Variants in DPH6 observed in about 807,000 individuals in gnomAD.
The protein encoded by DPH6 is diphthamine biosynthesis 6, also known as diphthine--ammonia ligase.
In DPH6, 33 loss-of-function variants were observed where a neutral mutation model predicts 38.2. The observed-to-expected ratio is 0.86, with a 90% confidence interval of 0.65 to 1.15. The LOEUF (loss-of-function observed/expected upper bound fraction) is 1.15, where lower values mean the gene tolerates loss of function less well. Ranked by LOEUF, DPH6 falls within the 50% of genes most tolerant of loss-of-function variation. The pLI is 0.00. For missense variants in DPH6, 325 were observed against 320.0 expected (o/e 1.02, Z -0.12); for synonymous variants, 108 against 103.0 (o/e 1.05, Z -0.30).
chr15:35,317,111 T>C (rs1369346826), intron 3 of DPH6, among the ~76,000 whole-genome samples: 1 of 151,790 alleles, frequency 6.6e-6, no homozygotes, highest in Non-Finnish European at 1.5e-5. Flanking sequence ...TACAAAAAAT[T>C]AGCCAGGCGT....
intron 3 of DPH6, among the ~76,000 whole-genome samples, chr15:35,352,426 C>T (rs1039124445): frequency 5.9e-5 from 9 of 152,152 alleles, no homozygotes. Context: ...GCTATCCCTC[C>T]CCGCTACCCC....
intron 3 of DPH6, among the ~76,000 whole-genome samples, chr15:35,480,439 C>T (rs2054313393): frequency 6.6e-6 from 1 of 152,018 alleles, no homozygotes; most frequent in Non-Finnish European, 1.5e-5. Context: ...CTAATGTTAG[C>T]TCTCATGCAG....
chr15:35,387,253 T>A (rs547810800), intron 6 of DPH6, among the ~76,000 whole-genome samples: 1 of 152,314 alleles, frequency 6.6e-6, no homozygotes, highest in South Asian at 2.1e-4. Context: ...AGCCTTGTAG[T>A]ATAGTTTGAA....
In DPH6 at chr15:35,371,931, A is replaced by G. The variant is rs755866775; in HGVS notation, c.*219T>C. ...AGGGAAGATGTGTTAACGAAAGAGA[A>G]AGAGTGAATTCCAAGAAAGTTGGCA... On this transcript the variant is annotated 3_prime_UTR_variant, in exon 9 of 9. Transcript: ENST00000256538. 9.6e-6 allele frequency: 12 copies of G among 1,245,210 alleles called. No homozygotes were observed. Among genetic ancestry groups the G allele is most frequent in the Non-Finnish European group, 1.2e-5 (12 of 987,088 alleles). 77.1% of individuals were successfully genotyped at this position (1,245,210 alleles called of 1,614,324 possible).
chr15:35,378,703 T>A (rs1420354324), intron 7 of DPH6, among the ~76,000 whole-genome samples: 7 of 152,036 alleles, frequency 4.6e-5, no homozygotes, highest in Non-Finnish European at 1.0e-4. Context: ...AAAACCATCA[T>A]TCTCAGCAAA....
At chr15:35,422,360 C>T (rs1824017945) in intron 5 of DPH6, among the ~76,000 whole-genome samples, 1 of 151,830 alleles carries the variant, frequency 6.6e-6, no homozygotes, top group South Asian at 2.1e-4. Context: ...CTAATGAACT[C>T]ATAGTAATAA....
At chr15:35,391,286 G>T (rs2053053109) in intron 6 of DPH6, among the ~76,000 whole-genome samples, 1 of 152,176 alleles carries the variant, frequency 6.6e-6, no homozygotes, top group South Asian at 2.1e-4. Context: ...CTACTTGGGG[G>T]TCAGGGACCC....
chr15:35,517,013 A>G (rs2054856449), intron 3 of DPH6, among the ~76,000 whole-genome samples: 1 of 152,116 alleles, frequency 6.6e-6, no homozygotes, highest in South Asian at 2.1e-4. Flanking sequence ...AAATATACAT[A>G]CATCATCACA....
At chr15:35,519,757 A>G (rs2054895541) in intron 3 of DPH6, 1 of 152,404 alleles carries the variant, frequency 6.6e-6, no homozygotes, top group Admixed American at 6.6e-5. Context: ...GAAGCTTTAC[A>G]ATAGAGGCTG....
chr15:35,325,025 A>C (rs537354334), intron 3 of DPH6, among the ~76,000 whole-genome samples: 1 of 152,142 alleles, frequency 6.6e-6, no homozygotes, highest in Non-Finnish European at 1.5e-5. Context: ...AAATCACAAT[A>C]AGATGGAAAA....
intron 5 of DPH6, among the ~76,000 whole-genome samples, chr15:35,444,080 G>A (rs986442353): frequency 1.4e-4 from 21 of 152,154 alleles, no homozygotes; most frequent in Admixed American, 5.9e-4. Flanking sequence ...GGCACATGAG[G>A]TCAACTAGAA....
chr15:35,356,932 C>G (rs1035334613), intron 3 of DPH6, among the ~76,000 whole-genome samples: 3 of 152,196 alleles, frequency 2.0e-5, no homozygotes, highest in Admixed American at 2.0e-4. Context: ...GGGCTCCACT[C>G]AGTTCGAGCT....
At chr15:35,226,675 T>C (rs1367904376) in intron 3 of DPH6, among the ~76,000 whole-genome samples, 2 of 152,092 alleles carry the variant, frequency 1.3e-5, no homozygotes, top group Non-Finnish European at 2.9e-5. Context: ...ATGAAAAAAC[T>C]TGAAAAGGTC....
At chr15:35,331,125 T>A (rs1035783427) in intron 3 of DPH6, 2 of 152,162 alleles carry the variant, frequency 1.3e-5, no homozygotes, top group African/African-American at 4.8e-5. Flanking sequence ...AGACCTATAA[T>A]GACAGATGTC....
intron 3 of DPH6, among the ~76,000 whole-genome samples, chr15:35,221,654 T>C (rs940881916): frequency 1.3e-5 from 2 of 152,134 alleles, no homozygotes; most frequent in Non-Finnish European, 2.9e-5. Flanking sequence ...TGTTCTCCCA[T>C]TGTCTTGATG....
chr15:35,346,895 T>C (rs2052466118), intron 3 of DPH6, among the ~76,000 whole-genome samples: 1 of 152,150 alleles, frequency 6.6e-6, no homozygotes, highest in African/African-American at 2.4e-5. Context: ...CTTTTAATTC[T>C]CACATATTTT....
At chr15:35,148,225 C>G in the DPH6 span, among the ~76,000 whole-genome samples, 2 of 152,144 alleles carry the variant, frequency 1.3e-5, no homozygotes, top group Admixed American at 1.3e-4. Flanking sequence ...TTTAAGTTAA[C>G]AGTAAAGTTA....
In DPH6 at chr15:35,221,528, C is replaced by T. The variant is rs540062486; in HGVS notation, n.201-946G>A. 3.9e-5 allele frequency among the ~76,000 whole-genome samples: 6 copies of T among 152,298 alleles called. No individual in the cohort carries two copies. In the East Asian group the frequency reaches 1.2e-3, roughly 29 times the overall value. On this transcript the variant is annotated intron_variant and non_coding_transcript_variant, in intron 3 of 3. Transcript: ENST00000560386. ...CACTCTGTGTCTGCAGAGTTATCAC[C>T]ATGTGGACCATTATGGGTCTGTATG...
intron 3 of DPH6, among the ~76,000 whole-genome samples, chr15:35,485,578 T>G (rs1715397070): frequency 6.6e-6 from 1 of 152,200 alleles, no homozygotes; most frequent in Non-Finnish European, 1.5e-5. Context: ...AATTATCCAT[T>G]GTTCTTCCAC....
Sources: allele counts gnomAD v4.1 joint callset (sites outside exome capture counted in the v4.1 genomes callset), GRCh38; gene constraint gnomAD v4.1.1; transcripts MANE v1.5; gene names NCBI Gene and HGNC (gene_info 2026-07-23, HGNC 2026-07-21).